TBC1D3K: variants seen among roughly 807,000 people sequenced by gnomAD.
TBC1D3K encodes the protein TBC1 domain family member-like.
upstream of TBC1D3K, among the ~76,000 whole-genome samples, chr17:37,924,263 G>A (rs1412214026): frequency 9.3e-5 from 12 of 129,268 alleles, no homozygotes; most frequent in Non-Finnish European, 1.4e-4. Context: ...CAGCACACAC[G>A]TGCACAGATG....
chr17:37,930,428 GC>G (rs2035623630), intron 7 of TBC1D3K, 21 bp from the exon 8 acceptor site: 1 of 503,732 alleles, frequency 2.0e-6, no homozygotes, highest in African/African-American at 2.3e-5. Flanking sequence ...ACAAACCAAA[GC>G]CCCCTTTCTC....
intron 1 of TBC1D3K, 68 bp downstream of exon 1, chr17:37,924,638 G>GCA (rs2035601708): frequency 1.2e-5 from 1 of 86,056 alleles, no homozygotes; most frequent in African/African-American, 4.6e-5. Context: ...GGGCGGTGTT[G>GCA]GCCTCTGTGG....
intron 7 of TBC1D3K, among the ~76,000 whole-genome samples, chr17:37,930,210 A>G (rs2035621031): frequency 5.3e-5 from 6 of 113,242 alleles, no homozygotes; most frequent in Admixed American, 1.8e-4. Flanking sequence ...GAAAAAAAAA[A>G]AAAAAATCAT....
intron 7 of TBC1D3K, among the ~76,000 whole-genome samples, chr17:37,930,224 G>C (rs1314926824): frequency 9.3e-6 from 1 of 108,004 alleles, no homozygotes; most frequent in Non-Finnish European, 2.4e-5. Context: ...AAATCATTCA[G>C]AGTGAAAAGG....
chr17:37,924,516 C>CA (rs1456165775), exon 1 of TBC1D3K: 6 of 126,808 alleles, frequency 4.7e-5, no homozygotes, highest in Non-Finnish European at 8.5e-5. Context: ...TCTGTGGACT[C>CA]AAAGGTTTTC....
In TBC1D3K at chr17:37,933,343, CCT is replaced by C. The variant is rs1245050662; in HGVS notation, c.929-10_929-9del. ...GTAACTCCCCTGGCCTGATATCCACCCTGTCCCTAGAGCGCCTCACGAAGACG... is the reference window on the plus strand; with the variant it reads ...GTAACTCCCCTGGCCTGATATCCACCGTCCCTAGAGCGCCTCACGAAGACG... On this transcript the variant is annotated splice_polypyrimidine_tract_variant and intron_variant, in intron 12 of 13. Transcript: ENST00000620247. 7.0e-6 allele frequency: 3 copies of C among 425,606 alleles called. No individual in the cohort carries two copies. The African/African-American group carries it at 1.2e-4, about 16-fold the overall frequency. 26.4% of individuals were successfully genotyped at this position (425,606 alleles called of 1,614,324 possible).
upstream of TBC1D3K, chr17:37,924,381 G>A (rs2035596916): frequency 2.9e-5 from 4 of 139,490 alleles, no homozygotes; most frequent in African/African-American, 5.5e-5. Context: ...GCTGACCCGG[G>A]CAAGGCCCCA....
At chr17:37,924,352 G>T (rs1349040066), upstream of TBC1D3K, 1 of 137,782 alleles carries the variant, frequency 7.3e-6, no homozygotes, top group Non-Finnish European at 1.6e-5. Flanking sequence ...GGCAGCGGAG[G>T]ACCCTGACTC....
chr17:37,924,304 T>G (rs1358621650), upstream of TBC1D3K: 1 of 134,992 alleles, frequency 7.4e-6, no homozygotes, highest in African/African-American at 2.9e-5. Flanking sequence ...TGCACGCACG[T>G]GCACAAACAC....
At chr17:37,930,086 G>A (rs1402805074) in intron 7 of TBC1D3K, among the ~76,000 whole-genome samples, 3 of 65,380 alleles carry the variant, frequency 4.6e-5, no homozygotes, top group African/African-American at 1.3e-4. Context: ...AGACTTGGAG[G>A]ATGAAGGAGT....
chr17:37,930,592 G>T (rs2035626665), intron 8 of TBC1D3K, 94 bp downstream of exon 8: 1 of 523,818 alleles, frequency 1.9e-6, no homozygotes, highest in African/African-American at 2.1e-5. Flanking sequence ...TTTAAAGTTA[G>T]TATTTGTGAC....
upstream of TBC1D3K, among the ~76,000 whole-genome samples, chr17:37,924,255 G>A (rs1406407959): frequency 7.9e-6 from 1 of 127,316 alleles, no homozygotes; most frequent in East Asian, 2.2e-4. Context: ...CAGAGAAGCA[G>A]CACACACGTG....
upstream of TBC1D3K, chr17:37,924,407 T>C (rs2035597538): frequency 7.3e-6 from 1 of 137,170 alleles, no homozygotes; most frequent in East Asian, 2.0e-4. Flanking sequence ...ATTCGTGCCA[T>C]GACCTCAGAA....
rs2035599247 is a variant in TBC1D3K at position 37,924,495 on chromosome 17, C to G, written c.-77C>G. The G allele has an allele frequency of 1.5e-5, 2 of 130,462 alleles. No homozygotes were observed. The highest frequency in any genetic ancestry group is 6.1e-5 in the African/African-American group (2 of 32,666). 8.1% of individuals were successfully genotyped at this position (130,462 alleles called of 1,614,324 possible). A position where few individuals can be genotyped will look rare whatever the true frequency, so the allele number is the denominator to read the frequency against. On this transcript the variant is annotated 5_prime_UTR_variant, in exon 1 of 14. In the 5' UTR this introduces an upstream ATG that the reference lacks. Coordinates refer to ENST00000620247, the Ensembl canonical transcript of TBC1D3K. ...AGCAGTTACACACAGGCAGTGGTAT[C>G]TGTGAGCAGCTCTGTGGACTCAAAG...
intron 7 of TBC1D3K, among the ~76,000 whole-genome samples, chr17:37,930,153 G>A (rs1391061888): frequency 1.9e-5 from 2 of 104,072 alleles, no homozygotes; most frequent in African/African-American, 2.9e-5. Context: ...GTTTGGAACC[G>A]TGGAGGAACT....
chr17:37,930,194 C>A (rs1482877600), intron 7 of TBC1D3K, among the ~76,000 whole-genome samples: 11 of 95,022 alleles, frequency 1.2e-4, no homozygotes, highest in South Asian at 4.1e-4. Context: ...GGCGTGTGTG[C>A]AAACTGAAAA....
intron 7 of TBC1D3K, among the ~76,000 whole-genome samples, chr17:37,930,152 C>A (rs1377371856): frequency 9.9e-6 from 1 of 100,930 alleles, no homozygotes; most frequent in Non-Finnish European, 2.5e-5. Flanking sequence ...GGTTTGGAAC[C>A]GTGGAGGAAC....
chr17:37,924,230 G>A (rs2143951311), upstream of TBC1D3K, among the ~76,000 whole-genome samples: 1 of 110,326 alleles, frequency 9.1e-6, no homozygotes, highest in Non-Finnish European at 1.9e-5. Context: ...CATGAGTGGG[G>A]CAGCCGGGCC....
intron 7 of TBC1D3K, among the ~76,000 whole-genome samples, chr17:37,930,177 C>G (rs1172329594): frequency 6.9e-5 from 7 of 101,062 alleles, no homozygotes; most frequent in Admixed American, 6.1e-4. Flanking sequence ...CACCCACAGA[C>G]TGAACTGGCG....
Sources: gnomAD v4.1 joint callset for allele counts (sites outside exome capture counted in the v4.1 genomes callset) on GRCh38, gnomAD v4.1.1 for gene constraint, MANE v1.5 for transcripts, NCBI Gene and HGNC (gene_info 2026-07-23, HGNC 2026-07-21) for gene names.